The following SMOC2 variants were observed in gnomAD, a reference collection of about 807,000 sequenced individuals.
SMOC2 encodes the protein SPARC-related modular calcium-binding protein 2.
Under a neutral mutation model 61.4 loss-of-function variants are expected in SMOC2, and 39 were observed. The observed-to-expected ratio is 0.64, with a 90% confidence interval of 0.49 to 0.83. The LOEUF (loss-of-function observed/expected upper bound fraction) is 0.83, where lower values mean the gene tolerates loss of function less well. Ranked by LOEUF, SMOC2 falls within the 40% of genes least tolerant of loss-of-function variation. The probability of loss-of-function intolerance (pLI) is 0.00; values close to 1 mark genes in which losing one functional copy is unlikely to be tolerated. For missense variants in SMOC2, 556 were observed against 592.9 expected, an observed-to-expected ratio of 0.94 and a Z score of 0.65; for synonymous variants, 247 against 239.9, an observed-to-expected ratio of 1.03 and a Z score of -0.27.
Position 168,666,661 on chromosome 6 carries a change from C to T in SMOC2, c.*223C>T, listed in dbSNP as rs1206642925. 3.4e-6 allele frequency: 2 copies of T among 582,644 alleles called. No homozygotes were observed. The highest frequency in any genetic ancestry group is 2.3e-5 in the South Asian group (1 of 43,128). 36.1% of individuals were successfully genotyped at this position (582,644 alleles called of 1,614,324 possible). A position where few individuals can be genotyped will look rare whatever the true frequency, so the allele number is the denominator to read the frequency against. ...ATACAATGTATGTGTCCTCTTTTGA[C>T]CTTGGAAATCTGTATGTGGTGGAGA... is the stretch of plus-strand genomic sequence containing the variant. On this transcript the variant is annotated 3_prime_UTR_variant, in exon 13 of 13. Transcript: ENST00000356284.
chr6:168,509,081 A>G (rs1583066195), intron 1 of SMOC2, among the ~76,000 whole-genome samples: 1 of 152,134 alleles, frequency 6.6e-6, no homozygotes, highest in East Asian at 1.9e-4. Context: ...GTGGCAGGAC[A>G]CTGGTGACTT....
intron 9 of SMOC2, among the ~76,000 whole-genome samples, chr6:168,623,960 C>T (rs146581733): frequency 6.6e-6 from 1 of 152,258 alleles, no homozygotes; most frequent in East Asian, 1.9e-4. Flanking sequence ...GTCACAGAGC[C>T]TGGCGGCTGG....
intron 7 of SMOC2, among the ~76,000 whole-genome samples, chr6:168,556,154 G>A (rs1784244429): frequency 6.6e-6 from 1 of 152,130 alleles, no homozygotes; most frequent in African/African-American, 2.4e-5. Flanking sequence ...CCGGGGGTCC[G>A]CGGCTGTGCG....
intron 7 of SMOC2, among the ~76,000 whole-genome samples, chr6:168,555,338 T>G (rs1331230852): frequency 1.3e-5 from 2 of 152,238 alleles, no homozygotes; most frequent in African/African-American, 4.8e-5. Flanking sequence ...CGGGGTCCTG[T>G]GACCTGGGGT....
In SMOC2 at chr6:168,456,101, A is replaced by G. The variant is rs147143114; in HGVS notation, c.84+14647A>G. ...GGCGTGGGGGCACGGGCCTGCTGGG[A>G]AGGAGTCACTGCTTGGAGCTGGACG... On this transcript the variant is annotated intron_variant, in intron 1 of 12. Coordinates refer to ENST00000356284, the MANE Select transcript of SMOC2 (RefSeq NM_001166412.2). 3.3e-3 allele frequency among the ~76,000 whole-genome samples: 507 copies of G among 152,354 alleles called. 3 individuals are homozygous for G. Among genetic ancestry groups the G allele is most frequent in the African/African-American group, 0.011 (466 of 41,588 alleles).
intron 11 of SMOC2, among the ~76,000 whole-genome samples, chr6:168,657,828 C>T (rs1787365159): frequency 6.6e-6 from 1 of 152,140 alleles, no homozygotes; most frequent in Non-Finnish European, 1.5e-5. Flanking sequence ...TAGGAGCCCA[C>T]TCCCAATATA....
intron 8 of SMOC2, among the ~76,000 whole-genome samples, chr6:168,599,577 T>C (rs974225619): frequency 1.1e-3 from 2 of 1,820 alleles, no homozygotes; most frequent in Non-Finnish European, 2.0e-3. Context: ...CCCACACTCA[T>C]ACCACACACA....
intron 9 of SMOC2, among the ~76,000 whole-genome samples, chr6:168,614,395 A>G (rs1312393765): frequency 1.1e-5 from 1 of 91,172 alleles, no homozygotes; most frequent in Non-Finnish European, 2.2e-5. Flanking sequence ...ACCTACAGCC[A>G]GCACAGGGCC....
At chr6:168,564,501 T>G (rs956770585) in intron 7 of SMOC2, among the ~76,000 whole-genome samples, 3 of 152,216 alleles carry the variant, frequency 2.0e-5, no homozygotes, top group African/African-American at 7.2e-5. Flanking sequence ...GAGGTAAACA[T>G]TCTAGCTAAG....
chr6:168,577,119 A>C (rs2115152146), intron 7 of SMOC2, among the ~76,000 whole-genome samples: 1 of 152,298 alleles, frequency 6.6e-6, no homozygotes, highest in South Asian at 2.1e-4. Context: ...ATTCCATCTA[A>C]ACATGCTTTC....
intron 7 of SMOC2, among the ~76,000 whole-genome samples, chr6:168,595,320 T>G (rs1785297831): frequency 6.6e-6 from 1 of 152,176 alleles, no homozygotes; most frequent in Non-Finnish European, 1.5e-5. Context: ...CCCATGCGCC[T>G]CCCCAAGACG....
intron 8 of SMOC2, 85 bp downstream of exon 8, chr6:168,599,089 A>G: frequency 8.0e-7 from 1 of 1,249,060 alleles, no homozygotes. Flanking sequence ...CACTTCCCCC[A>G]ACACACACCG....
chr6:168,623,788 CA>C (rs370032552), intron 9 of SMOC2, among the ~76,000 whole-genome samples: 1 of 152,112 alleles, frequency 6.6e-6, no homozygotes, highest in African/African-American at 2.4e-5. Flanking sequence ...CCTATCCCCC[CA>C]AAAAAATCAC....
intron 1 of SMOC2, among the ~76,000 whole-genome samples, chr6:168,471,844 G>T (rs888932513): frequency 6.6e-6 from 1 of 152,198 alleles, no homozygotes; most frequent in African/African-American, 2.4e-5. Context: ...AATGAGTAAT[G>T]ATGTTGAGCA....
intron 7 of SMOC2, among the ~76,000 whole-genome samples, chr6:168,579,973 C>T (rs187522012): frequency 3.3e-4 from 50 of 152,136 alleles, no homozygotes; most frequent in South Asian, 6.2e-4. Flanking sequence ...CTGAGGACAC[C>T]GGGGAGGATA....
intron 9 of SMOC2, among the ~76,000 whole-genome samples, chr6:168,645,676 C>G (rs764416803): frequency 1.3e-5 from 2 of 152,204 alleles, no homozygotes; most frequent in Non-Finnish European, 2.9e-5. Context: ...CCCAAGGTGC[C>G]CAGCAGGTGT....
intron 9 of SMOC2, among the ~76,000 whole-genome samples, chr6:168,611,874 GC>G (rs1367763809): frequency 6.6e-6 from 1 of 152,116 alleles, no homozygotes; most frequent in Non-Finnish European, 1.5e-5. Context: ...TGCCCAGGCG[GC>G]CGGCCACTCA....
chr6:168,584,154 G>A (rs1207790583), intron 7 of SMOC2, among the ~76,000 whole-genome samples: 1 of 152,208 alleles, frequency 6.6e-6, no homozygotes, highest in Non-Finnish European at 1.5e-5. Flanking sequence ...AGTTCACCCA[G>A]GAAGCTGAGA....
chr6:168,518,474 TGA>T (rs1477966279), intron 2 of SMOC2, among the ~76,000 whole-genome samples: 7 of 142,168 alleles, frequency 4.9e-5, no homozygotes, highest in African/African-American at 1.8e-4. Context: ...CATGTGCCTG[TGA>T]GTGTACATAT....
Sources: allele counts gnomAD v4.1 joint callset (sites outside exome capture counted in the v4.1 genomes callset), GRCh38; gene constraint gnomAD v4.1.1; transcripts MANE v1.5; gene names NCBI Gene and HGNC (gene_info 2026-07-23, HGNC 2026-07-21).